EFHD2: variants seen among roughly 807,000 people sequenced by gnomAD.
EFHD2 encodes the protein EF-hand domain-containing protein D2.
In EFHD2, 12 loss-of-function variants were observed where a neutral mutation model predicts 20.3. The observed-to-expected ratio is 0.59, with a 90% confidence interval of 0.38 to 0.96. EFHD2 has a LOEUF of 0.96. EFHD2 is among the 40% of genes least tolerant of loss of function. The probability of loss-of-function intolerance (pLI) is 0.00; values close to 1 mark genes in which losing one functional copy is unlikely to be tolerated. For synonymous variants in EFHD2, 131 were observed against 143.9 expected (o/e 0.91, Z 0.64); for missense variants, 250 against 334.3 (o/e 0.75, Z 1.97).
rs984538826 is a variant in EFHD2, at chr1:15,409,919, G to A, written c.-53G>A. On this transcript the variant is annotated 5_prime_UTR_variant, in exon 1 of 4. Coordinates refer to ENST00000375980, the MANE Select transcript of EFHD2 (RefSeq NM_024329.6). ...CAGGAAGAGGAAGAGCGCGGCCGGC[G>A]GCGCTGCGCTGAGAGCAGGGGCCCG... is the stretch of plus-strand genomic sequence containing the variant. 3 of 1,199,158 alleles carry A rather than the reference G, an allele frequency of 2.5e-6. No homozygotes were observed. The highest frequency in any genetic ancestry group is 3.1e-6 in the Non-Finnish European group (3 of 968,152). 74.3% of individuals were successfully genotyped at this position (1,199,158 alleles called of 1,614,324 possible).
chr1:15,419,932 G>A (rs1369412978), intron 1 of EFHD2, among the ~76,000 whole-genome samples: 1 of 152,170 alleles, frequency 6.6e-6, no homozygotes, highest in African/African-American at 2.4e-5. Context: ...CTGTTCAAGG[G>A]CTCTGTCCAG....
intron 1 of EFHD2, among the ~76,000 whole-genome samples, chr1:15,416,311 G>C (rs2496322): frequency 0.33 from 50,318 of 151,986 alleles, 8,919 homozygotes; most frequent in African/African-American, 0.46. Flanking sequence ...GTCAGAGGTC[G>C]TTTCCTCAAG....
intron 1 of EFHD2, among the ~76,000 whole-genome samples, chr1:15,414,662 A>AC (rs1707621885): frequency 6.6e-6 from 1 of 152,060 alleles, no homozygotes; most frequent in Non-Finnish European, 1.5e-5. Context: ...CCACTTAACC[A>AC]CCAGCGGAGC....
intron 1 of EFHD2, among the ~76,000 whole-genome samples, chr1:15,424,026 C>T (rs932702712): frequency 6.6e-6 from 1 of 150,654 alleles, no homozygotes; most frequent in Non-Finnish European, 1.5e-5. Flanking sequence ...CCCGTCTCTA[C>T]AAAAAAAATA....
At chr1:15,416,499 C>T (rs1483862603) in intron 1 of EFHD2, among the ~76,000 whole-genome samples, 8 of 152,204 alleles carry the variant, frequency 5.3e-5, no homozygotes, top group East Asian at 3.8e-4. Context: ...AGATGGGAGC[C>T]GGGCCGCCCA....
At chr1:15,424,102 G>A (rs373120884) in intron 1 of EFHD2, among the ~76,000 whole-genome samples, 27 of 151,940 alleles carry the variant, frequency 1.8e-4, no homozygotes, top group African/African-American at 6.3e-4. Context: ...TGAGGCGGGA[G>A]GATCGCTTGA....
Position 15,427,285 on chromosome 1 carries a change from G to T in EFHD2, c.591+1G>T. On this transcript the variant is annotated splice_donor_variant, in intron 3 of 3. Coordinates refer to ENST00000375980, the MANE Select transcript of EFHD2 (RefSeq NM_024329.6). LOFTEE classifies it high-confidence loss of function. ...GGCCAAGAGCTTCTTTGAGGCCAAG[G>T]TGAGGAGCCCAAGGGGTGCCCTGAC... The T allele has an allele frequency of 2.5e-6, 4 of 1,604,982 alleles. No homozygotes were observed. Among genetic ancestry groups the T allele is most frequent in the Non-Finnish European group, 3.4e-6 (4 of 1,176,396 alleles).
intron 1 of EFHD2, among the ~76,000 whole-genome samples, chr1:15,411,204 C>T (rs998269891): frequency 4.6e-5 from 7 of 151,050 alleles, no homozygotes; most frequent in African/African-American, 1.7e-4. Flanking sequence ...TCCGTATATC[C>T]CCTTCCCTCC....
intron 1 of EFHD2, among the ~76,000 whole-genome samples, chr1:15,422,480 A>G (rs569360290): frequency 6.7e-6 from 1 of 149,990 alleles, no homozygotes; most frequent in African/African-American, 2.4e-5. Flanking sequence ...CATCCCCCCC[A>G]CCTCCGCCGC....
intron 1 of EFHD2, among the ~76,000 whole-genome samples, chr1:15,416,919 C>T (rs1035156455): frequency 5.3e-5 from 8 of 152,146 alleles, no homozygotes; most frequent in East Asian, 1.9e-4. Context: ...AAGTGATCCT[C>T]CCACCTCAGC....
intron 1 of EFHD2, 115 bp from the exon 2 acceptor site, chr1:15,425,756 C>T (rs541497539): frequency 4.5e-5 from 64 of 1,424,850 alleles, no homozygotes; most frequent in African/African-American, 4.4e-4. Context: ...CCAACAGTGA[C>T]GGGATTTTAT....
Position 15,426,467 on chromosome 1 carries a change from G to A in EFHD2, c.456+449G>A, listed in dbSNP as rs926108304. On this transcript the variant is annotated intron_variant, in intron 2 of 3. Coordinates refer to ENST00000375980, the MANE Select transcript of EFHD2 (RefSeq NM_024329.6). This position sits in a 1 kb window ranked among gnomAD's most constrained non-coding sequence, Gnocchi z 4.6. ...CCGAGACAGGAGCTAGGGGCAAGCCGGTTTCGCAGGGAAGGAAATGGAGGC... is the reference window on the plus strand; with the variant it reads ...CCGAGACAGGAGCTAGGGGCAAGCCAGTTTCGCAGGGAAGGAAATGGAGGC... 3.3e-5 allele frequency among the ~76,000 whole-genome samples: 5 copies of A among 152,138 alleles called. No individual in the cohort carries two copies. In the South Asian group the frequency reaches 6.2e-4, roughly 19 times the overall value.
chr1:15,412,855 G>A (rs1418813393), intron 1 of EFHD2, among the ~76,000 whole-genome samples: 4 of 152,186 alleles, frequency 2.6e-5, no homozygotes, highest in Non-Finnish European at 5.9e-5. Context: ...CTCTGAGGGC[G>A]ACTGAGGGGA....
Position 15,413,455 on chromosome 1 carries a change from C to T in EFHD2, c.308+3176C>T, listed in dbSNP as rs1707583017. Among the ~76,000 whole-genome samples, 1 of 152,164 alleles carries T rather than the reference C, an allele frequency of 6.6e-6. No homozygotes were observed. The highest frequency in any genetic ancestry group is 2.4e-5 in the African/African-American group (1 of 41,420). On this transcript the variant is annotated intron_variant, in intron 1 of 3. Transcript: ENST00000375980. The surrounding 1 kb of genome is among the most constrained non-coding windows in gnomAD (Gnocchi z 4.4). ...CTGCGTATGTCTGAGGGGTCCTGAG[C>T]CCTTCTGGATATTGGAACTGCCTTC...
chr1:15,418,145 A>G (rs1451108716), intron 1 of EFHD2, among the ~76,000 whole-genome samples: 1 of 148,920 alleles, frequency 6.7e-6, no homozygotes, highest in East Asian at 2.0e-4. Flanking sequence ...ATGCACCACC[A>G]CACCCAGTTA....
chr1:15,423,446 C>T (rs928254289), intron 1 of EFHD2, among the ~76,000 whole-genome samples: 17 of 152,104 alleles, frequency 1.1e-4, no homozygotes, highest in African/African-American at 4.1e-4. Context: ...TCCAGGCAGC[C>T]GTCTGTGTTC....
intron 1 of EFHD2, among the ~76,000 whole-genome samples, chr1:15,411,369 C>T (rs1707507974): frequency 1.3e-5 from 2 of 152,082 alleles, no homozygotes; most frequent in Non-Finnish European, 2.9e-5. Flanking sequence ...CGTGTGGGCT[C>T]ATCCCCCTGT....
intron 1 of EFHD2, among the ~76,000 whole-genome samples, chr1:15,410,825 C>G (rs1313081518): frequency 6.6e-6 from 1 of 151,164 alleles, no homozygotes; most frequent in Non-Finnish European, 1.5e-5. Flanking sequence ...CCCTTAAGGT[C>G]TTTTCGTTTC....
At chr1:15,418,055 T>A (rs1707711239) in intron 1 of EFHD2, among the ~76,000 whole-genome samples, 1 of 135,330 alleles carries the variant, frequency 7.4e-6, no homozygotes, top group African/African-American at 2.7e-5. Context: ...AGTGGCACAA[T>A]CTTGGCTCAC....
Sources: allele counts gnomAD v4.1 joint callset (sites outside exome capture counted in the v4.1 genomes callset), GRCh38; gene constraint gnomAD v4.1.1; non-coding constraint Gnocchi (gnomAD v3.1); transcripts MANE v1.5; gene names NCBI Gene and HGNC (gene_info 2026-07-23, HGNC 2026-07-21).